RPS29: variants seen among roughly 807,000 people sequenced by gnomAD.
RPS29 encodes small ribosomal subunit protein uS14.
For missense variants in RPS29, 60 were observed against 75.7 expected (o/e 0.79, Z 0.77); for synonymous variants, 37 against 26.9 (o/e 1.37, Z -1.16).
At chr14:49,582,468 C>G (rs1232212965), downstream of RPS29, among the ~76,000 whole-genome samples, 1 of 152,212 alleles carries the variant, frequency 6.6e-6, no homozygotes, top group Non-Finnish European at 1.5e-5. Context: ...GCTTTCTTCT[C>G]TGACCTCAAC....
chr14:49,592,380 T>G (rs924900036), intron 1 of RPS29: 9 of 150,762 alleles, frequency 6.0e-5, no homozygotes, highest in Non-Finnish European at 1.0e-4. Context: ...TTTTTTTTTT[T>G]TTTTGAGACG....
exon 3 of RPS29, chr14:49,574,924 G>C (rs1307853355): frequency 6.6e-6 from 1 of 152,250 alleles, no homozygotes; most frequent in Non-Finnish European, 1.5e-5. Context: ...TGTGTCCTTT[G>C]GACTCTTAGA....
At position 49,585,977 on chromosome 14, in the gene RPS29, C is replaced by T; in HGVS notation, c.135G>A (p.Gln45=). The T allele has an allele frequency of 1.2e-6, 2 of 1,613,922 alleles. No homozygotes were observed. Among genetic ancestry groups the T allele is most frequent in the Non-Finnish European group, 1.7e-6 (2 of 1,179,814 alleles). ...GLNMCRQCFR[Q]YAKDIGFIKL... is the part of the protein sequence containing the mutation. ...TAATGAAACCGATATCCTTCGCGTA[C>T]TGACGGAAACACTGGCGGCACATAT... The change falls in exon 2 of 3, where the codon CAG becomes CAA. Residue 45 remains glutamine, a synonymous_variant. Coordinates refer to ENST00000245458, the MANE Select transcript of RPS29 (RefSeq NM_001032.5).
upstream of RPS29, among the ~76,000 whole-genome samples, chr14:49,590,383 G>A (rs1349062871): frequency 6.6e-6 from 1 of 152,054 alleles, no homozygotes; most frequent in Non-Finnish European, 1.5e-5. Context: ...GGCTGAGGCA[G>A]GAGAATCGCT....
intron 1 of RPS29, among the ~76,000 whole-genome samples, chr14:49,595,191 T>C (rs1881796379): frequency 1.3e-5 from 2 of 152,070 alleles, no homozygotes; most frequent in South Asian, 2.1e-4. Context: ...GAGTCTTAGA[T>C]GATGTTTACC....
intron 1 of RPS29, among the ~76,000 whole-genome samples, chr14:49,594,449 T>C: frequency 6.6e-6 from 1 of 152,210 alleles, no homozygotes; most frequent in East Asian, 1.9e-4. Context: ...CAGCTCTGAA[T>C]TGATACGGCA....
upstream of RPS29, among the ~76,000 whole-genome samples, chr14:49,589,743 C>T (rs1881672370): frequency 1.3e-5 from 2 of 152,178 alleles, no homozygotes; most frequent in Admixed American, 6.5e-5. Flanking sequence ...GTATGTTCAT[C>T]GCAGCACTAT....
chr14:49,579,812 T>G (rs963720387), downstream of RPS29, among the ~76,000 whole-genome samples: 1 of 152,200 alleles, frequency 6.6e-6, no homozygotes, highest in Non-Finnish European at 1.5e-5. Context: ...AACCATACAA[T>G]AAGTGTGTTG....
exon 3 of RPS29, chr14:49,576,902 CTG>C (rs1334022851): frequency 6.6e-6 from 1 of 152,274 alleles, no homozygotes; most frequent in African/African-American, 2.4e-5. Flanking sequence ...CCACATGGAA[CTG>C]TGAGTCCAAT....
intron 2 of RPS29, 73 bp downstream of exon 2, chr14:49,585,877 G>A (rs1477198166): frequency 8.6e-7 from 1 of 1,160,066 alleles, no homozygotes; most frequent in African/African-American, 1.5e-5. Flanking sequence ...CTGTCCGTTT[G>A]TCTTTCGCGG....
At chr14:49,580,868 T>C (rs1284863063), downstream of RPS29, among the ~76,000 whole-genome samples, 3 of 136,742 alleles carry the variant, frequency 2.2e-5, no homozygotes, top group East Asian at 4.4e-4. Context: ...CTGGGTGACA[T>C]AGCAAGACTC....
chr14:49,594,456 G>A (rs974142613), intron 1 of RPS29, among the ~76,000 whole-genome samples: 1 of 152,150 alleles, frequency 6.6e-6, no homozygotes, highest in Non-Finnish European at 1.5e-5. Flanking sequence ...GAATTGATAC[G>A]GCAGTGCTAA....
downstream of RPS29, among the ~76,000 whole-genome samples, chr14:49,579,820 T>C (rs1303559754): frequency 2.0e-5 from 3 of 152,184 alleles, no homozygotes; most frequent in East Asian, 3.9e-4. Context: ...AATAAGTGTG[T>C]TGTGAATATT....
At chr14:49,580,645 G>A (rs1178093307), downstream of RPS29, among the ~76,000 whole-genome samples, 1 of 152,306 alleles carries the variant, frequency 6.6e-6, no homozygotes, top group East Asian at 1.9e-4. Flanking sequence ...GCTGAGGTGG[G>A]TGGATCACCT....
chr14:49,596,885 C>A (rs1262991656), intron 1 of RPS29, among the ~76,000 whole-genome samples: 2 of 149,242 alleles, frequency 1.3e-5, no homozygotes, highest in Non-Finnish European at 3.0e-5. Flanking sequence ...ACTACAGACG[C>A]GCGCCGCCCC....
intron 1 of RPS29, among the ~76,000 whole-genome samples, chr14:49,595,565 G>A (rs1881803588): frequency 6.6e-6 from 1 of 151,822 alleles, no homozygotes; most frequent in Admixed American, 6.6e-5. Context: ...TATGAATGTT[G>A]CCACTGCACT....
downstream of RPS29, chr14:49,583,568 A>T (rs1018721904): frequency 7.3e-7 from 1 of 1,368,656 alleles, no homozygotes; most frequent in Non-Finnish European, 1.0e-6. Context: ...GAACACTCAT[A>T]AACTGAAGGG....
At chr14:49,586,444 A>C, upstream of RPS29, 2 of 1,064,328 alleles carry the variant, frequency 1.9e-6, no homozygotes, top group Non-Finnish European at 2.9e-6. Flanking sequence ...CAGTGCTCAA[A>C]GGAAACGCGT....
At chr14:49,578,796 T>C (rs143520194), downstream of RPS29, among the ~76,000 whole-genome samples, 5,564 of 152,148 alleles carry the variant, frequency 0.037, 311 homozygotes, top group African/African-American at 0.12. Context: ...CCTGGCCTTG[T>C]GATCCACCTG....
Sources: allele counts gnomAD v4.1 joint callset (sites outside exome capture counted in the v4.1 genomes callset), GRCh38; gene constraint gnomAD v4.1.1; transcripts MANE v1.5; gene names NCBI Gene and HGNC (gene_info 2026-07-23, HGNC 2026-07-21).